WDFY2: variants seen among roughly 807,000 people sequenced by gnomAD.
The protein encoded by WDFY2 is WD repeat and FYVE domain containing 2, also known as WD repeat and FYVE domain-containing protein 2.
A neutral mutation model predicts 56.4 loss-of-function variants in WDFY2; 36 were observed. The ratio of observed to expected loss-of-function variants is 0.64; its 90% CI spans 0.49 to 0.84. WDFY2 has a LOEUF of 0.84. Among genes scored for constraint, WDFY2 ranks in the 40% least tolerant of loss-of-function variants. The pLI is 0.00. For missense variants in WDFY2, 444 were observed against 512.2 expected (o/e 0.87, Z 1.29); for synonymous variants, 176 against 183.7 (o/e 0.96, Z 0.34).
chr13:51,672,295 C>G (rs543487267), intron 2 of WDFY2, among the ~76,000 whole-genome samples: 17 of 152,180 alleles, frequency 1.1e-4, no homozygotes, highest in Middle Eastern at 6.8e-3. Context: ...CGCTGTTTGT[C>G]GAATAGGGTG....
chr13:51,676,635 A>G (rs903827363), intron 3 of WDFY2, among the ~76,000 whole-genome samples: 19 of 152,174 alleles, frequency 1.2e-4, no homozygotes, highest in African/African-American at 4.3e-4. Context: ...TTCTGTGACT[A>G]TTAACAATAT....
At chr13:51,755,948 A>G (rs1436891332) in intron 9 of WDFY2, among the ~76,000 whole-genome samples, 2 of 152,228 alleles carry the variant, frequency 1.3e-5, no homozygotes, top group African/African-American at 4.8e-5. Flanking sequence ...AGCAGATTCA[A>G]TCAGGTTTCC....
chr13:51,641,601 C>T (rs570508187), intron 1 of WDFY2, among the ~76,000 whole-genome samples: 7 of 150,072 alleles, frequency 4.7e-5, no homozygotes, highest in African/African-American at 1.5e-4. Flanking sequence ...CCGAGGCGGG[C>T]GGATCACGAG....
At chr13:51,723,483 G>C (rs545374829) in intron 5 of WDFY2, among the ~76,000 whole-genome samples, 11 of 151,858 alleles carry the variant, frequency 7.2e-5, no homozygotes, top group Non-Finnish European at 8.8e-5. Context: ...TAATGCCACC[G>C]CCTTGTTGAA....
At chr13:51,710,428 T>C (rs1952185677) in intron 4 of WDFY2, among the ~76,000 whole-genome samples, 1 of 152,074 alleles carries the variant, frequency 6.6e-6, no homozygotes, top group Non-Finnish European at 1.5e-5. Context: ...GTGTTGGAAG[T>C]TCTGGCCAGG....
chr13:51,751,740 C>T (rs904901500), intron 8 of WDFY2, among the ~76,000 whole-genome samples: 4 of 152,050 alleles, frequency 2.6e-5, no homozygotes, highest in Non-Finnish European at 5.9e-5. Flanking sequence ...ACTACAAAAA[C>T]GGAGGACTCA....
intron 2 of WDFY2, among the ~76,000 whole-genome samples, chr13:51,664,602 T>G (rs929873640): frequency 6.6e-6 from 1 of 152,216 alleles, no homozygotes; most frequent in African/African-American, 2.4e-5. Flanking sequence ...GCCTTTGAGC[T>G]CAAAAGATAC....
intron 1 of WDFY2, among the ~76,000 whole-genome samples, chr13:51,617,815 G>A (rs1021560602): frequency 3.9e-5 from 6 of 152,080 alleles, no homozygotes; most frequent in African/African-American, 1.4e-4. Context: ...AACATTCTAG[G>A]CCTTGAATTT....
chr13:51,673,064 G>A (rs1955831427), intron 2 of WDFY2, among the ~76,000 whole-genome samples: 1 of 152,136 alleles, frequency 6.6e-6, no homozygotes, highest in Admixed American at 6.5e-5. Flanking sequence ...TTAATTCCAT[G>A]ATGGCAGCAG....
intron 7 of WDFY2, among the ~76,000 whole-genome samples, chr13:51,742,610 A>G (rs1430100650): frequency 2.6e-5 from 4 of 152,140 alleles, no homozygotes; most frequent in Admixed American, 1.3e-4. Flanking sequence ...CTTACATAAT[A>G]CTGTCATTTC....
chr13:51,622,016 G>T (rs530275814), intron 1 of WDFY2, among the ~76,000 whole-genome samples: 3 of 152,266 alleles, frequency 2.0e-5, no homozygotes, highest in African/African-American at 7.2e-5. Flanking sequence ...GTGTGAGAGA[G>T]AGAAGGGAGG....
At chr13:51,642,999 C>G (rs999302460) in intron 1 of WDFY2, among the ~76,000 whole-genome samples, 1 of 152,198 alleles carries the variant, frequency 6.6e-6, no homozygotes, top group Non-Finnish European at 1.5e-5. Flanking sequence ...TCTTTAATTG[C>G]TGCACCTTTG....
chr13:51,691,229 T>C (rs1347198603), intron 3 of WDFY2, among the ~76,000 whole-genome samples: 2 of 152,172 alleles, frequency 1.3e-5, no homozygotes, highest in East Asian at 1.9e-4. Flanking sequence ...TTTTGTCTTT[T>C]GTTGCCATTG....
intron 2 of WDFY2, among the ~76,000 whole-genome samples, chr13:51,673,185 G>A (rs1331916208): frequency 6.6e-6 from 1 of 152,214 alleles, no homozygotes; most frequent in Non-Finnish European, 1.5e-5. Flanking sequence ...CAAGGAATAA[G>A]GGAATGGCAA....
intron 1 of WDFY2, among the ~76,000 whole-genome samples, chr13:51,646,403 C>T (rs1955263019): frequency 1.3e-5 from 2 of 152,234 alleles, no homozygotes; most frequent in Non-Finnish European, 2.9e-5. Flanking sequence ...TTAACCCTGC[C>T]TGAGCCCGGG....
rs189774360 is a variant in WDFY2, at chr13:51,666,379, A to T, written c.205+5716A>T. Among the ~76,000 whole-genome samples the T allele has an allele frequency of 7.9e-5, 12 of 152,312 alleles. No homozygotes were observed. The East Asian group carries it at 2.3e-3, about 29-fold the overall frequency. On this transcript the variant is annotated intron_variant, in intron 2 of 11. Transcript: ENST00000298125. ...GGAGCAAAAAGGTGGAATATTTTTCAGACACGAGGGCCAGGAACTCTTTGC... is the reference window on the plus strand; with the variant it reads ...GGAGCAAAAAGGTGGAATATTTTTCTGACACGAGGGCCAGGAACTCTTTGC...
intron 5 of WDFY2, among the ~76,000 whole-genome samples, chr13:51,720,877 AAAC>A (rs1472120345): frequency 2.0e-5 from 3 of 152,034 alleles, no homozygotes; most frequent in Non-Finnish European, 4.4e-5. Context: ...ATTCATCTAC[AAAC>A]AACATCACAC....
chr13:51,759,391 C>T (rs1291323589), intron 11 of WDFY2, among the ~76,000 whole-genome samples: 1 of 152,160 alleles, frequency 6.6e-6, no homozygotes, highest in Non-Finnish European at 1.5e-5. Flanking sequence ...GTTGGCTCAT[C>T]GAATGCTGCC....
intron 6 of WDFY2, among the ~76,000 whole-genome samples, chr13:51,738,467 G>T (rs1259861948): frequency 6.6e-6 from 1 of 152,160 alleles, no homozygotes; most frequent in African/African-American, 2.4e-5. Flanking sequence ...CTTAGTAATA[G>T]TCATAGTGGT....
Sources: allele counts gnomAD v4.1 joint callset (sites outside exome capture counted in the v4.1 genomes callset), GRCh38; gene constraint gnomAD v4.1.1; transcripts MANE v1.5; gene names NCBI Gene and HGNC (gene_info 2026-07-23, HGNC 2026-07-21).